Variants in EYA2 observed in about 807,000 individuals in gnomAD.
EYA2 encodes the protein EYA transcriptional coactivator and phosphatase 2.
In EYA2, 31 loss-of-function variants were observed where a neutral mutation model predicts 69.2. That is an observed-to-expected ratio of 0.45 (90% confidence interval 0.34 to 0.60). The LOEUF (loss-of-function observed/expected upper bound fraction) is 0.60, where lower values mean the gene tolerates loss of function less well. Ranked by LOEUF, EYA2 falls within the 20% of genes least tolerant of loss-of-function variation. The probability of loss-of-function intolerance (pLI) is 0.02; values close to 1 mark genes in which losing one functional copy is unlikely to be tolerated. For synonymous variants in EYA2, 257 were observed against 279.4 expected (o/e 0.92, Z 0.80); for missense variants, 622 against 701.2 (o/e 0.89, Z 1.28).
chr20:46,989,357 C>G (rs1240335554), intron 1 of EYA2, among the ~76,000 whole-genome samples: 4 of 152,100 alleles, frequency 2.6e-5, no homozygotes, highest in Non-Finnish European at 5.9e-5. Context: ...CCTCTGCCTC[C>G]CGGGTTCAAG....
intron 10 of EYA2, among the ~76,000 whole-genome samples, chr20:47,145,300 G>A (rs546517220): frequency 6.6e-6 from 1 of 152,264 alleles, no homozygotes; most frequent in East Asian, 1.9e-4. Context: ...AGGATGACAA[G>A]CACCCATTCA....
At chr20:47,002,962 T>C (rs1197588688) in intron 3 of EYA2, among the ~76,000 whole-genome samples, 1 of 152,208 alleles carries the variant, frequency 6.6e-6, no homozygotes, top group East Asian at 1.9e-4. Flanking sequence ...ACTTTTGCAT[T>C]CACCTGCTGT....
intron 9 of EYA2, among the ~76,000 whole-genome samples, chr20:47,118,485 C>G (rs6122555): frequency 0.5 from 69,390 of 139,134 alleles, 16,767 homozygotes; most frequent in East Asian, 0.7. Flanking sequence ...GAGAGATGTC[C>G]CGGAGGTGAA....
rs762975050 is a variant in EYA2, at chr20:47,005,056, A to T, written c.270A>T (p.Pro90=). ...CCCCCTATACAGCTTACCCACCTCC[A>T]GCACAAGCCTATGGAATCCCTTCCT... ...QATPYTAYPP[P]AQAYGIPSYS... is the part of the protein sequence containing the mutation. The change falls in exon 4 of 16, where the codon CCA becomes CCT. Residue 90 remains proline, a synonymous_variant. Coordinates refer to ENST00000327619, the MANE Select transcript of EYA2 (RefSeq NM_005244.5). 3 of 1,613,852 alleles carry T rather than the reference A, an allele frequency of 1.9e-6. No individual in the cohort carries two copies. The highest frequency in any genetic ancestry group is 2.2e-5 in the South Asian group (2 of 91,074).
At chr20:47,135,818 C>CAAAAAAA (rs1201324879) in intron 9 of EYA2, among the ~76,000 whole-genome samples, 792 of 32,964 alleles carry the variant, frequency 0.024, 25 homozygotes, top group South Asian at 0.043. Context: ...CCTGTCTCTA[C>CAAAAAAA]AAAAAAAAAA....
chr20:47,094,373 A>G (rs986547318), intron 8 of EYA2, among the ~76,000 whole-genome samples: 2 of 152,270 alleles, frequency 1.3e-5, no homozygotes, highest in African/African-American at 4.8e-5. Flanking sequence ...ATGACCCGTA[A>G]TAAGAAATAT....
intron 9 of EYA2, among the ~76,000 whole-genome samples, chr20:47,139,242 G>A (rs2033542570): frequency 6.6e-6 from 1 of 152,168 alleles, no homozygotes; most frequent in South Asian, 2.1e-4. Flanking sequence ...TGGAATTACT[G>A]AGTATGTTGC....
chr20:47,138,089 T>C (rs1442339383), intron 9 of EYA2, among the ~76,000 whole-genome samples: 1 of 151,594 alleles, frequency 6.6e-6, no homozygotes, highest in Admixed American at 6.6e-5. Context: ...TGTATACATA[T>C]GTAACTAACC....
chr20:47,148,571 A>T (rs1207954260), intron 10 of EYA2, among the ~76,000 whole-genome samples: 2 of 151,602 alleles, frequency 1.3e-5, no homozygotes, highest in African/African-American at 4.8e-5. Flanking sequence ...GACAGTCATG[A>T]GCAGACCAGG....
chr20:47,074,006 C>A, intron 6 of EYA2, 152 bp from the exon 7 acceptor site: 3 of 651,840 alleles, frequency 4.6e-6, no homozygotes, highest in Non-Finnish European at 7.3e-6. Flanking sequence ...ATCCTTGCCC[C>A]GGGGTCTGCT....
At chr20:47,025,506 A>G (rs1211960135) in intron 5 of EYA2, among the ~76,000 whole-genome samples, 1 of 152,202 alleles carries the variant, frequency 6.6e-6, no homozygotes, top group African/African-American at 2.4e-5. Context: ...GAGCTTCTTC[A>G]TTCTTTTTCA....
chr20:47,119,226 G>A (rs1019549229), intron 9 of EYA2, among the ~76,000 whole-genome samples: 3 of 152,156 alleles, frequency 2.0e-5, no homozygotes, highest in Non-Finnish European at 2.9e-5. Context: ...CCTGCTAAAC[G>A]GCAGGAAGGT....
At chr20:46,967,562 G>A (rs1342096225) in intron 1 of EYA2, among the ~76,000 whole-genome samples, 3 of 152,192 alleles carry the variant, frequency 2.0e-5, no homozygotes, top group Non-Finnish European at 4.4e-5. Flanking sequence ...AAAGTGGGGT[G>A]AAGGGGAAGG....
At chr20:47,115,121 C>A (rs749273503) in intron 9 of EYA2, among the ~76,000 whole-genome samples, 14 of 152,314 alleles carry the variant, frequency 9.2e-5, no homozygotes, top group Non-Finnish European at 1.6e-4. Context: ...GTCTTCATAG[C>A]CAAATTTGCT....
intron 5 of EYA2, among the ~76,000 whole-genome samples, chr20:47,044,222 G>A (rs2029913313): frequency 6.6e-6 from 1 of 152,178 alleles, no homozygotes; most frequent in South Asian, 2.1e-4. Context: ...GAGAAAGTGA[G>A]AGGCCTTTTT....
At chr20:46,971,107 ATG>A (rs1217762738) in intron 1 of EYA2, among the ~76,000 whole-genome samples, 35 of 149,142 alleles carry the variant, frequency 2.3e-4, no homozygotes, top group Non-Finnish European at 4.1e-4. Context: ...ACACACACAC[ATG>A]CACACACACG....
chr20:46,987,859 A>G (rs1018227382), intron 1 of EYA2, among the ~76,000 whole-genome samples: 5 of 147,568 alleles, frequency 3.4e-5, no homozygotes, highest in Non-Finnish European at 7.5e-5. Flanking sequence ...CCTGGGAGGC[A>G]GAGGTTGCAG....
At chr20:46,904,284 A>G (rs1021763745) in intron 1 of EYA2, among the ~76,000 whole-genome samples, 3 of 152,138 alleles carry the variant, frequency 2.0e-5, no homozygotes, top group Non-Finnish European at 4.4e-5. Flanking sequence ...GGTAGCTTGT[A>G]TTATTACCAC....
At chr20:46,906,997 G>A (rs1431367176) in intron 1 of EYA2, among the ~76,000 whole-genome samples, 1 of 152,132 alleles carries the variant, frequency 6.6e-6, no homozygotes, top group Non-Finnish European at 1.5e-5. Context: ...GTCTCTCCAC[G>A]TTCAAATCCA....
Sources: allele counts gnomAD v4.1 joint callset (sites outside exome capture counted in the v4.1 genomes callset), GRCh38; gene constraint gnomAD v4.1.1; transcripts MANE v1.5; gene names NCBI Gene and HGNC (gene_info 2026-07-23, HGNC 2026-07-21).